CROCC: variants seen among roughly 807,000 people sequenced by gnomAD.
The protein encoded by CROCC is rootletin.
In CROCC, 180 loss-of-function variants were observed where a neutral mutation model predicts 245.2. That is an observed-to-expected ratio of 0.73 (90% CI 0.65 to 0.83). CROCC has a LOEUF of 0.83. Ranked by LOEUF, CROCC falls within the 40% of genes least tolerant of loss-of-function variation. CROCC has a pLI of 0.00. For synonymous variants in CROCC, 1,205 were observed against 1,241.6 expected (o/e 0.97, Z 0.62); for missense variants, 2,688 against 2,779.4 (o/e 0.97, Z 0.74).
intron 27 of CROCC, among the ~76,000 whole-genome samples, chr1:16,963,972 T>G (rs1447225817): frequency 1.3e-5 from 2 of 151,728 alleles, no homozygotes; most frequent in African/African-American, 2.4e-5. Context: ...ATTTTTTGTA[T>G]TTTTAGTAGA....
chr1:16,914,561 C>A (rs550051117), intron 1 of CROCC, among the ~76,000 whole-genome samples: 19 of 152,392 alleles, frequency 1.2e-4, no homozygotes, highest in African/African-American at 4.3e-4. Context: ...CATTGCAGCC[C>A]TGCCGAGTCG....
At chr1:16,955,960 A>T (rs985469991) in intron 24 of CROCC, 37 bp from the exon 25 acceptor site, 1 of 1,548,370 alleles carries the variant, frequency 6.5e-7, no homozygotes, top group Non-Finnish European at 8.7e-7. Flanking sequence ...GACTACTCCC[A>T]GGACCCAGGG....
chr1:16,969,781 C>T lies in CROCC; in HGVS notation c.5302-4C>T, dbSNP rs1251966151. The T allele has an allele frequency of 6.2e-7, 1 of 1,611,756 alleles. No individual in the cohort carries two copies. On this transcript the variant is annotated splice_polypyrimidine_tract_variant and splice_region_variant and intron_variant, in intron 32 of 36. Coordinates refer to ENST00000375541, the MANE Select transcript of CROCC (RefSeq NM_014675.5). ...GCCAGGCACCATCAGCCCCTGTCCC[C>T]CAGGAACGGCTGGATGCCGCCCGGC...
chr1:16,936,732 G>C lies in CROCC; in HGVS notation c.1052G>C (p.Ser351Thr), dbSNP rs2075797934. ...AGCACGGGCCTACGGCTGGCAGAGA[G>C]CCGGGCCGAGGCAGCCCTGGAGAAA... ...GLSTGLRLAE[S>T]RAEAALEKQA... The change falls in exon 9 of 37, where the codon AGC becomes ACC. Residue 351 changes from serine (S) to threonine (T), a missense_variant. Physicochemically the swap from Ser to Thr is moderately conservative, Grantham distance 58. This residue lies in a region of CROCC where 972 missense variants were observed against 895.3 expected (regional missense o/e 1.09). Transcript: ENST00000375541. The C allele has an allele frequency of 6.2e-7, 1 of 1,608,488 alleles. No individual in the cohort carries two copies. Among genetic ancestry groups the C allele is most frequent in the Non-Finnish European group, 8.5e-7 (1 of 1,178,514 alleles).
chr1:16,945,714 G>C, intron 15 of CROCC, 108 bp downstream of exon 15: 1 of 1,180,286 alleles, frequency 8.5e-7, no homozygotes, highest in Non-Finnish European at 1.2e-6. Flanking sequence ...CTCTGAGCCT[G>C]GTCACAGACT....
At position 16,969,743 on chromosome 1, in the gene CROCC, G is replaced by A. The variant is rs764373550; in HGVS notation, c.5302-42G>A. The A allele has an allele frequency of 3.8e-6, 6 of 1,587,638 alleles. No homozygotes were observed. In the South Asian group the frequency reaches 5.8e-5, roughly 15 times the overall value. On this transcript the variant is annotated intron_variant, in intron 32 of 36. Coordinates refer to ENST00000375541, the MANE Select transcript of CROCC (RefSeq NM_014675.5). ...GTACAGAATAGAGAGGACTCCTTAG[G>A]GCTCCCAGGCCAGCCAGGCACCATC... is the stretch of plus-strand genomic sequence containing the variant.
chr1:16,938,968 T>G lies in CROCC; in HGVS notation c.1434T>G (p.Asp478Glu). The G allele has an allele frequency of 6.2e-7, 1 of 1,605,498 alleles. No homozygotes were observed. Among genetic ancestry groups the G allele is most frequent in the South Asian group, 1.1e-5 (1 of 89,948 alleles). Residue 478 changes from aspartate (D) to glutamate (E), a missense_variant, in exon 12 of 37, where the codon GAT (aspartate) becomes GAG (glutamate). Asp to Glu is a conservative substitution (Grantham distance 45). This residue lies in a region of CROCC where 972 missense variants were observed against 895.3 expected (regional missense o/e 1.09). Transcript: ENST00000375541. ...TGAGCGGCTCTGAGCGCACCGCGGA[T>G]GCTTCCAACGGCAGCCTGCGGGGGC... ...VQLSGSERTA[D>E]ASNGSLRGLS...
In CROCC at chr1:16,954,714, G is replaced by A; in HGVS notation, c.3322-20G>A. On this transcript the variant is annotated intron_variant, in intron 22 of 36. Transcript: ENST00000375541. The surrounding 1 kb of genome is among the most constrained non-coding windows in gnomAD (Gnocchi z 4.4). ...TGGGGGACACAGCAGGACCAAGTCT[G>A]AGGAGCCCCTCTGTCCCAGAGCACC... 6.5e-7 allele frequency: 1 copy of A among 1,537,288 alleles called. No individual in the cohort carries two copies. Among genetic ancestry groups the A allele is most frequent in the Non-Finnish European group, 8.8e-7 (1 of 1,137,976 alleles).
Position 16,954,701 on chromosome 1 carries a change from C to G in CROCC, c.3322-33C>G. The G allele has an allele frequency of 2.0e-6, 3 of 1,526,574 alleles. No homozygotes were observed. Among genetic ancestry groups the G allele is most frequent in the Non-Finnish European group, 2.7e-6 (3 of 1,131,654 alleles). 94.6% of individuals were successfully genotyped at this position (1,526,574 alleles called of 1,614,324 possible). A position where few individuals can be genotyped will look rare whatever the true frequency, so the allele number is the denominator to read the frequency against. The stretch of plus-strand genomic sequence containing the variant: ...AGCAGCCCGGGGCTGGGGGACACAG[C>G]AGGACCAAGTCTGAGGAGCCCCTCT... On this transcript the variant is annotated intron_variant, in intron 22 of 36. Transcript: ENST00000375541. The surrounding 1 kb of genome is among the most constrained non-coding windows in gnomAD (Gnocchi z 4.4).
Position 16,948,388 on chromosome 1 carries a change from C to T in CROCC, c.2572C>T (p.Gln858Ter). The change falls in exon 18 of 37, where the codon CAG (glutamine) becomes TAG (stop). Residue 858 changes from glutamine to a stop codon, truncating the protein, a stop_gained. Transcript: ENST00000375541. LOFTEE classifies it high-confidence loss of function. Reference sequence around the variant, plus strand: ...GCTGGAGCAGGCCCGGCGGGAGGCCCAGCGGCAAGTGGAGGCGCTGGAGCG... The same window carrying T: ...GCTGGAGCAGGCCCGGCGGGAGGCCTAGCGGCAAGTGGAGGCGCTGGAGCG... ...QELEQARREA[Q>*]RQVEALERAA... 2 of 1,578,392 alleles carry T rather than the reference C, an allele frequency of 1.3e-6. No homozygotes were observed. Among genetic ancestry groups the T allele is most frequent in the Non-Finnish European group, 1.7e-6 (2 of 1,165,008 alleles).
rs1465400438 is a variant in CROCC at position 16,929,987 on chromosome 1, G to A, written c.493G>A (p.Gly165Ser). ...YRRKLQAYQE[G>S]QQRQAQLVQR... ...GCGCAAGCTGCAGGCCTACCAGGAGGGCCAGCAGCGGCAGGCCCAGCTTGT... is the reference window on the plus strand; with the variant it reads ...GCGCAAGCTGCAGGCCTACCAGGAGAGCCAGCAGCGGCAGGCCCAGCTTGT... The change falls in exon 4 of 37, where the codon GGC becomes AGC. Residue 165 changes from glycine to serine, a missense_variant. Gly to Ser is a moderately conservative substitution (Grantham distance 56). This residue lies in a region of CROCC where 972 missense variants were observed against 895.3 expected (regional missense o/e 1.09). Coordinates refer to ENST00000375541, the MANE Select transcript of CROCC (RefSeq NM_014675.5). 7 of 1,587,120 alleles carry A rather than the reference G, an allele frequency of 4.4e-6. No individual in the cohort carries two copies. Among genetic ancestry groups the A allele is most frequent in the Non-Finnish European group, 5.1e-6 (6 of 1,170,274 alleles).
In CROCC at chr1:16,958,615, G is replaced by C. The variant is rs1319786882; in HGVS notation, c.3897G>C (p.Leu1299=). Residue 1299 remains leucine, a synonymous_variant, in exon 26 of 37, where the codon CTG becomes CTC. Transcript: ENST00000375541. ...MKMLDSENTR[L]GRELAELQGR... Reference sequence around the variant, plus strand: ...TGCTGGACAGTGAGAACACCAGACTGGGCCGGGAGCTGGCGGAGCTGCAGG... The same window carrying C: ...TGCTGGACAGTGAGAACACCAGACTCGGCCGGGAGCTGGCGGAGCTGCAGG... 1 of 1,554,832 alleles carries C rather than the reference G, an allele frequency of 6.4e-7. No homozygotes were observed. The highest frequency in any genetic ancestry group is 8.7e-7 in the Non-Finnish European group (1 of 1,149,496).
At chr1:16,968,067 G>A (rs1455025204) in intron 30 of CROCC, 136 bp from the exon 31 acceptor site, 4 of 802,644 alleles carry the variant, frequency 5.0e-6, no homozygotes, top group Non-Finnish European at 8.2e-6. Flanking sequence ...ACCCCAGAGG[G>A]TCCCAGGCCG....
At position 16,954,428 on chromosome 1, in the gene CROCC, C is replaced by T. The variant is rs1242004521; in HGVS notation, c.3321+71C>T. On this transcript the variant is annotated intron_variant, in intron 22 of 36. Transcript: ENST00000375541. The surrounding 1 kb of genome is among the most constrained non-coding windows in gnomAD (Gnocchi z 4.4). ...ATCCCTGGCTGAGGAGCCCCCACCA[C>T]GGGGCGGCATGGCCCTGTCCTGGAG... The T allele has an allele frequency of 1.7e-5, 26 of 1,546,210 alleles. No homozygotes were observed. Among genetic ancestry groups the T allele is most frequent in the South Asian group, 2.4e-5 (2 of 83,358 alleles).
intron 31 of CROCC, 69 bp from the exon 32 acceptor site, chr1:16,969,047 C>CA (rs746858466): frequency 2.8e-6 from 4 of 1,445,094 alleles, no homozygotes; most frequent in Admixed American, 2.0e-5. Context: ...AGGTGGAGGT[C>CA]ACAGTGGGAG....
At chr1:16,951,230 T>C in intron 20 of CROCC, 108 bp downstream of exon 20, 2 of 1,053,166 alleles carry the variant, frequency 1.9e-6, no homozygotes, top group Non-Finnish European at 2.6e-6. Flanking sequence ...CTCTCTGTTG[T>C]GGAGGTCCTG....
intron 15 of CROCC, 24 bp from the exon 16 acceptor site, chr1:16,946,235 A>G (rs780146809): frequency 3.1e-6 from 5 of 1,600,108 alleles, no homozygotes; most frequent in Non-Finnish European, 4.3e-6. Context: ...GCCTTTCCTC[A>G]TTTCTCGGGG....
At chr1:16,927,081 A>G (rs1363942933) in intron 3 of CROCC, among the ~76,000 whole-genome samples, 1 of 152,228 alleles carries the variant, frequency 6.6e-6, no homozygotes, top group Non-Finnish European at 1.5e-5. Flanking sequence ...CAGTGTGTAC[A>G]CGACATGGGC....
intron 13 of CROCC, among the ~76,000 whole-genome samples, chr1:16,943,035 G>C (rs890506084): frequency 6.6e-6 from 1 of 152,226 alleles, no homozygotes; most frequent in Non-Finnish European, 1.5e-5. Context: ...CTGAGGTCGG[G>C]AGTTCGAGAC....
Sources: allele counts gnomAD v4.1 joint callset (sites outside exome capture counted in the v4.1 genomes callset), GRCh38; gene constraint gnomAD v4.1.1; regional missense constraint gnomAD v4.1.1; non-coding constraint Gnocchi (gnomAD v3.1); transcripts MANE v1.5; gene names NCBI Gene and HGNC (gene_info 2026-07-23, HGNC 2026-07-21).